Variants in MELK observed in about 807,000 individuals in gnomAD.
MELK encodes maternal embryonic leucine zipper kinase.
MELK carries 81 observed loss-of-function variants against 85.0 expected under a neutral mutation model. The observed-to-expected ratio is 0.95, with a 90% CI of 0.80 to 1.15. MELK has a LOEUF of 1.15. Ranked by LOEUF, MELK falls within the 50% of genes most tolerant of loss-of-function variation. The probability of loss-of-function intolerance (pLI) is 0.00; values close to 1 mark genes in which losing one functional copy is unlikely to be tolerated. For synonymous variants in MELK, 252 were observed against 265.0 expected (o/e 0.95, Z 0.48); for missense variants, 754 against 777.5 (o/e 0.97, Z 0.36).
chr9:36,578,243 G>GTTTTTTTTTT (rs111828743), intron 1 of MELK, among the ~76,000 whole-genome samples: 1 of 148,466 alleles, frequency 6.7e-6, no homozygotes. Context: ...GATCCAATGT[G>GTTTTTTTTTT]TTTTTTTTTT....
At chr9:36,630,457 C>A in intron 9 of MELK, 90 bp downstream of exon 9, 1 of 1,071,164 alleles carries the variant, frequency 9.3e-7, no homozygotes, top group Non-Finnish European at 1.4e-6. Flanking sequence ...TTCCTATTAG[C>A]TTGAAAAAAA....
At chr9:36,577,037 T>G (rs975488226) in intron 1 of MELK, among the ~76,000 whole-genome samples, 5 of 152,216 alleles carry the variant, frequency 3.3e-5, no homozygotes, top group African/African-American at 1.2e-4. Context: ...TTAAGCTCTG[T>G]CTTCCTTTAT....
intron 8 of MELK, among the ~76,000 whole-genome samples, chr9:36,616,823 GTT>G (rs11325318): frequency 0.053 from 6,616 of 123,960 alleles, 396 homozygotes; most frequent in African/African-American, 0.16. Context: ...CCCCTTCCCA[GTT>G]TTTTTTTTTT....
At chr9:36,661,538 T>G (rs2137665983) in intron 13 of MELK, among the ~76,000 whole-genome samples, 1 of 152,286 alleles carries the variant, frequency 6.6e-6, no homozygotes, top group Admixed American at 6.5e-5. Context: ...ATAAAAGAAC[T>G]ATTATAAAAT....
chr9:36,674,195 T>C (rs902293143), intron 16 of MELK, among the ~76,000 whole-genome samples: 2 of 152,168 alleles, frequency 1.3e-5, no homozygotes, highest in African/African-American at 4.8e-5. Context: ...GCCTACCACA[T>C]AGTAAACATT....
At chr9:36,654,189 GAAAATGC>G (rs1468103384) in intron 12 of MELK, among the ~76,000 whole-genome samples, 2 of 151,750 alleles carry the variant, frequency 1.3e-5, no homozygotes, top group African/African-American at 4.9e-5. Flanking sequence ...CTGGGTCCAG[GAAAATGC>G]AAAACCCTGA....
intron 8 of MELK, among the ~76,000 whole-genome samples, chr9:36,626,006 G>A (rs967433268): frequency 6.6e-6 from 1 of 152,016 alleles, no homozygotes; most frequent in African/African-American, 2.4e-5. Flanking sequence ...ATGAATGAAA[G>A]ACAAAATGCA....
At chr9:36,613,004 A>G (rs959965639) in intron 8 of MELK, among the ~76,000 whole-genome samples, 2 of 152,216 alleles carry the variant, frequency 1.3e-5, no homozygotes, top group African/African-American at 2.4e-5. Context: ...AGTACAAGCC[A>G]GTGTTTGCCC....
Position 36,677,478 on chromosome 9 carries a change from GT to G in MELK, c.*146del. The G allele has an allele frequency of 1.6e-6, 1 of 643,128 alleles. No individual in the cohort carries two copies. The highest frequency in any genetic ancestry group is 2.4e-6 in the Non-Finnish European group (1 of 418,912). The allele number at this position is 643,128 out of a possible 1,614,324, so 39.8% of individuals were successfully genotyped here. ...GCTATCTTAAGACCAATATCTCTTTGTTTTTAAACAAAAGATATTATTTTGT... is the reference window on the plus strand; with the variant it reads ...GCTATCTTAAGACCAATATCTCTTTGTTTTAAACAAAAGATATTATTTTGT... On this transcript the variant is annotated 3_prime_UTR_variant, in exon 18 of 18. Coordinates refer to ENST00000298048, the MANE Select transcript of MELK (RefSeq NM_014791.4).
At chr9:36,620,130 C>T (rs1179187801) in intron 8 of MELK, among the ~76,000 whole-genome samples, 2 of 152,116 alleles carry the variant, frequency 1.3e-5, no homozygotes, top group East Asian at 1.9e-4. Context: ...GATTTGAACC[C>T]TAGCAGTCAA....
At chr9:36,591,000 G>A (rs902096783) in intron 4 of MELK, among the ~76,000 whole-genome samples, 12 of 152,188 alleles carry the variant, frequency 7.9e-5, no homozygotes, top group African/African-American at 2.9e-4. Context: ...GCTGAGGCGG[G>A]AGAATTGCTT....
rs1169260004 is a variant in MELK, at chr9:36,594,700, G to A, written c.334G>A (p.Val112Ile). Residue 112 changes from valine (V) to isoleucine (I), a missense_variant, in exon 5 of 18, where the codon GTC (valine) becomes ATC (isoleucine). Physicochemically the swap from Val to Ile is conservative, Grantham distance 29. Coordinates refer to ENST00000298048, the MANE Select transcript of MELK (RefSeq NM_014791.4). ...DRLSEEETRV[V>I]FRQIVSAVAY... Reference sequence around the variant, plus strand: ...CCTGTCAGAAGAGGAGACCCGGGTTGTCTTCCGTCAGATAGTATCTGCTGT... The same window carrying A: ...CCTGTCAGAAGAGGAGACCCGGGTTATCTTCCGTCAGATAGTATCTGCTGT... The A allele has an allele frequency of 6.2e-7, 1 of 1,614,078 alleles. No individual in the cohort carries two copies. The highest frequency in any genetic ancestry group is 8.5e-7 in the Non-Finnish European group (1 of 1,180,004).
At chr9:36,663,184 G>A (rs914333045) in intron 13 of MELK, among the ~76,000 whole-genome samples, 3 of 151,446 alleles carry the variant, frequency 2.0e-5, no homozygotes, top group Non-Finnish European at 2.9e-5. Flanking sequence ...AGGTTCAAGC[G>A]ATTTTCCTAC....
intron 4 of MELK, 22 bp downstream of exon 4, chr9:36,589,674 C>A: frequency 2.0e-6 from 3 of 1,494,880 alleles, no homozygotes; most frequent in Non-Finnish European, 1.9e-6. Flanking sequence ...GTTCCAGATA[C>A]CTGAAAACAT....
chr9:36,607,513 C>A, intron 7 of MELK, 62 bp from the exon 8 acceptor site: 3 of 1,211,922 alleles, frequency 2.5e-6, no homozygotes, highest in Non-Finnish European at 3.7e-6. Context: ...AAGAGTCCTA[C>A]CATTCTGAAA....
intron 1 of MELK, among the ~76,000 whole-genome samples, chr9:36,580,296 G>A (rs1822092286): frequency 6.6e-6 from 1 of 151,728 alleles, no homozygotes; most frequent in South Asian, 2.1e-4. Flanking sequence ...CCAAAGTGTG[G>A]GGGTTACAGG....
At chr9:36,664,940 A>G (rs1832190956) in intron 13 of MELK, among the ~76,000 whole-genome samples, 1 of 152,134 alleles carries the variant, frequency 6.6e-6, no homozygotes, top group African/African-American at 2.4e-5. Context: ...ATTAAAAAGT[A>G]TTTTTTATCC....
intron 13 of MELK, among the ~76,000 whole-genome samples, chr9:36,662,494 T>G (rs2137717479): frequency 6.6e-6 from 1 of 152,272 alleles, no homozygotes; most frequent in East Asian, 1.9e-4. Flanking sequence ...TCCACCTGCC[T>G]CGGCCTCCCA....
intron 8 of MELK, among the ~76,000 whole-genome samples, chr9:36,622,261 G>A (rs768208911): frequency 2.0e-5 from 3 of 152,108 alleles, no homozygotes; most frequent in Non-Finnish European, 4.4e-5. Flanking sequence ...CTATTGTTCC[G>A]AGTCGCAGTG....
Sources: allele counts gnomAD v4.1 joint callset (sites outside exome capture counted in the v4.1 genomes callset), GRCh38; gene constraint gnomAD v4.1.1; transcripts MANE v1.5; gene names NCBI Gene and HGNC (gene_info 2026-07-23, HGNC 2026-07-21).